Variants in EYS observed in about 807,000 individuals in gnomAD.
EYS encodes EGF-like photoreceptor maintenance factor.
Under a neutral mutation model 282.1 loss-of-function variants are expected in EYS, and 250 were observed. The ratio of observed to expected loss-of-function variants is 0.89; its 90% CI spans 0.80 to 0.98. The LOEUF is 0.98. Among genes scored for constraint, EYS ranks in the 50% least tolerant of loss-of-function variants. EYS has a pLI of 0.00. For synonymous variants in EYS, 1,355 were observed against 1,282.9 expected, an observed-to-expected ratio of 1.06 and a Z score of -1.20; for missense variants, 4,016 against 3,709.0, an observed-to-expected ratio of 1.08 and a Z score of -2.15.
rs755653633 is a variant in EYS at position 65,467,522 on chromosome 6, T to TAC, written c.862+23070_862+23071dup. ...CTATTTAAACACACACACACACACATACACACACACACAAACACTCATACA... is the reference window on the plus strand; with the variant it reads ...CTATTTAAACACACACACACACACATACACACACACACACAAACACTCATACA... On this transcript the variant is annotated intron_variant, in intron 5 of 42. Transcript: ENST00000503581. Among the ~76,000 whole-genome samples the TAC allele has an allele frequency of 1.9e-3, 259 of 139,658 alleles. 1 individual carries two copies. Among genetic ancestry groups the TAC allele is most frequent in the African/African-American group, 5.8e-3 (235 of 40,392 alleles). The allele number at this position is 139,658 out of a possible 152,430, so 91.6% of individuals were successfully genotyped here. A position where few individuals can be genotyped will look rare whatever the true frequency, so the allele number is the denominator to read the frequency against.
At chr6:65,093,192 G>C (rs1027362700) in intron 12 of EYS, among the ~76,000 whole-genome samples, 3 of 151,948 alleles carry the variant, frequency 2.0e-5, no homozygotes, top group African/African-American at 7.2e-5. Flanking sequence ...ATTATCCCCA[G>C]TAAACCTGTT....
At chr6:64,688,491 C>T (rs1474039197) in intron 22 of EYS, among the ~76,000 whole-genome samples, 3 of 152,186 alleles carry the variant, frequency 2.0e-5, no homozygotes, top group Non-Finnish European at 4.4e-5. Context: ...ACCCAGTAGT[C>T]ATTCAGGAGC....
intron 15 of EYS, among the ~76,000 whole-genome samples, chr6:64,945,094 G>A (rs549225429): frequency 9.4e-5 from 14 of 148,504 alleles, no homozygotes; most frequent in South Asian, 4.3e-4. Flanking sequence ...GCTGAGTGCC[G>A]GTCCCCTGGG....
chr6:65,009,771 C>T (rs986334558), intron 13 of EYS, among the ~76,000 whole-genome samples: 1 of 152,254 alleles, frequency 6.6e-6, no homozygotes, highest in Middle Eastern at 3.4e-3. Context: ...GGTTTCCAAA[C>T]AAAAGGCTCA....
At chr6:64,931,608 T>A (rs760207530) in intron 15 of EYS, among the ~76,000 whole-genome samples, 1 of 152,110 alleles carries the variant, frequency 6.6e-6, no homozygotes, top group Non-Finnish European at 1.5e-5. Flanking sequence ...CACACTAATC[T>A]TATCTATGCA....
intron 31 of EYS, among the ~76,000 whole-genome samples, chr6:64,113,920 T>A (rs2150268355): frequency 6.6e-6 from 1 of 152,310 alleles, no homozygotes; most frequent in South Asian, 2.1e-4. Context: ...AGTAAAATTT[T>A]ATTGGAACTA....
chr6:64,011,899 C>A (rs1308237425), intron 33 of EYS, among the ~76,000 whole-genome samples: 1 of 152,058 alleles, frequency 6.6e-6, no homozygotes, highest in African/African-American at 2.4e-5. Context: ...ATGTTCTTTT[C>A]TCTTGTCTTT....
intron 29 of EYS, among the ~76,000 whole-genome samples, chr6:64,315,297 C>A (rs1174886931): frequency 1.3e-5 from 2 of 152,124 alleles, no homozygotes; most frequent in Non-Finnish European, 2.9e-5. Flanking sequence ...CCAAAAACGT[C>A]CAGGATCAGA....
At chr6:65,108,711 C>A (rs1775117215) in intron 12 of EYS, among the ~76,000 whole-genome samples, 1 of 152,084 alleles carries the variant, frequency 6.6e-6, no homozygotes, top group Admixed American at 6.6e-5. Flanking sequence ...GTTTGACTAA[C>A]TTCTGTCTGC....
chr6:64,118,857 GATA>G (rs1433141754), intron 31 of EYS, among the ~76,000 whole-genome samples: 2 of 146,174 alleles, frequency 1.4e-5, no homozygotes, highest in Non-Finnish European at 2.9e-5. Context: ...AAGAAAAACA[GATA>G]ATAATAATCT....
Position 65,519,686 on chromosome 6 carries a change from C to CTATATATATATATATA in EYS, c.-332-23709_-332-23694dup, listed in dbSNP as rs1158150622. On this transcript the variant is annotated intron_variant, in intron 2 of 42. Coordinates refer to ENST00000503581, the MANE Select transcript of EYS (RefSeq NM_001142800.2). ...AGAACACTTGCAAAAACTATAATAA[C>CTATATATATATATATA]TATATATATATATATATATATATTT... Among the ~76,000 whole-genome samples, 194 of 39,672 alleles carry CTATATATATATATATA rather than the reference C, an allele frequency of 4.9e-3. 3 individuals carry two copies. The highest frequency in any genetic ancestry group is 6.0e-3 in the Non-Finnish European group (146 of 24,462). The allele number at this position is 39,672 out of a possible 152,430, so 26.0% of individuals were successfully genotyped here.
chr6:64,167,397 T>A (rs1452053724), intron 31 of EYS, among the ~76,000 whole-genome samples: 1 of 152,212 alleles, frequency 6.6e-6, no homozygotes, highest in Non-Finnish European at 1.5e-5. Context: ...TAAGAACTTT[T>A]CACAACACAA....
chr6:65,541,500 C>T (rs575795807), intron 2 of EYS, among the ~76,000 whole-genome samples: 1 of 152,258 alleles, frequency 6.6e-6, no homozygotes, highest in South Asian at 2.1e-4. Context: ...AAAATCACAA[C>T]AATGTTATCC....
chr6:64,442,938 C>T (rs1774999163), intron 26 of EYS, among the ~76,000 whole-genome samples: 1 of 139,780 alleles, frequency 7.2e-6, no homozygotes, highest in Non-Finnish European at 1.6e-5. Context: ...AGAGTCCCTA[C>T]TGGGGCACTG....
intron 12 of EYS, among the ~76,000 whole-genome samples, chr6:65,224,958 C>T (rs1766582093): frequency 6.6e-6 from 1 of 151,930 alleles, no homozygotes; most frequent in South Asian, 2.1e-4. Context: ...GACGAGATGG[C>T]CACACTGACA....
At chr6:64,294,149 C>T (rs1768817811) in intron 30 of EYS, among the ~76,000 whole-genome samples, 1 of 152,020 alleles carries the variant, frequency 6.6e-6, no homozygotes, top group Non-Finnish European at 1.5e-5. Flanking sequence ...TGGAAAAAAC[C>T]TTGGTAAAAT....
intron 26 of EYS, among the ~76,000 whole-genome samples, chr6:64,546,687 C>G (rs1025735850): frequency 6.6e-6 from 1 of 152,124 alleles, no homozygotes; most frequent in Non-Finnish European, 1.5e-5. Flanking sequence ...AAAAAACAAA[C>G]AACCCCATCA....
At chr6:65,041,960 C>T (rs1583426935) in intron 13 of EYS, among the ~76,000 whole-genome samples, 1 of 151,624 alleles carries the variant, frequency 6.6e-6, no homozygotes, top group East Asian at 1.9e-4. Context: ...CTTCTAGGTA[C>T]TAATTTCTGT....
intron 2 of EYS, among the ~76,000 whole-genome samples, chr6:65,540,769 A>T (rs944632714): frequency 1.3e-5 from 2 of 152,040 alleles, no homozygotes; most frequent in Admixed American, 6.5e-5. Context: ...AAATACAAAA[A>T]AAAATTAGTC....
Sources: allele counts gnomAD v4.1 joint callset (sites outside exome capture counted in the v4.1 genomes callset), GRCh38; gene constraint gnomAD v4.1.1; transcripts MANE v1.5; gene names NCBI Gene and HGNC (gene_info 2026-07-23, HGNC 2026-07-21).